The following LRFN2 variants were observed in gnomAD, a reference collection of about 807,000 sequenced individuals.
LRFN2 encodes the protein leucine-rich repeat and fibronectin type-III domain-containing protein 2.
In LRFN2, 18 loss-of-function variants were observed where a neutral mutation model predicts 37.3. That is an observed-to-expected ratio of 0.48 (90% CI 0.33 to 0.72). The LOEUF (loss-of-function observed/expected upper bound fraction) is 0.72. LRFN2 is among the 30% of genes least tolerant of loss of function. LRFN2 has a pLI of 0.02. For synonymous variants in LRFN2, 556 were observed against 466.6 expected (o/e 1.19, Z -2.47); for missense variants, 1,006 against 1,060.7 (o/e 0.95, Z 0.72).
At chr6:40,409,379 C>G (rs778994107) in intron 2 of LRFN2, among the ~76,000 whole-genome samples, 2 of 152,210 alleles carry the variant, frequency 1.3e-5, no homozygotes, top group Non-Finnish European at 2.9e-5. Context: ...AGTTTTCTCA[C>G]TTGCAAAATG....
intron 1 of LRFN2, among the ~76,000 whole-genome samples, chr6:40,581,636 A>G (rs777189454): frequency 1.4e-4 from 21 of 152,180 alleles, no homozygotes; most frequent in Non-Finnish European, 2.8e-4. Flanking sequence ...CCATCCAGAA[A>G]TCTTCAATAC....
chr6:40,398,689 G>A (rs1276893404), intron 2 of LRFN2, among the ~76,000 whole-genome samples: 2 of 151,796 alleles, frequency 1.3e-5, no homozygotes, highest in African/African-American at 2.4e-5. Context: ...GCTCCAGTGC[G>A]TTAAATTTAA....
rs528369515 is a variant in LRFN2, at chr6:40,577,723, G to C, written c.-19+9218C>G. On this transcript the variant is annotated intron_variant, in intron 1 of 2. Coordinates refer to ENST00000338305, the MANE Select transcript of LRFN2 (RefSeq NM_020737.3). ...CTTGCGATAGTTTACTGAGAATGAT[G>C]ATTTCCAATTTCAACAATGTGCACA... is the stretch of plus-strand genomic sequence containing the variant. Among the ~76,000 whole-genome samples the C allele has an allele frequency of 2.9e-5, 4 of 135,864 alleles. No homozygotes were observed. The Admixed American group carries it at 3.0e-4, about 10-fold the overall frequency. The allele number at this position is 135,864 out of a possible 152,430, so 89.1% of individuals were successfully genotyped here. A position where few individuals can be genotyped will look rare whatever the true frequency, so the allele number is the denominator to read the frequency against.
At chr6:40,513,238 T>G (rs1384318631) in intron 1 of LRFN2, among the ~76,000 whole-genome samples, 1 of 148,164 alleles carries the variant, frequency 6.7e-6, no homozygotes, top group Non-Finnish European at 1.5e-5. Flanking sequence ...TTAACAATTT[T>G]TTTTTTTTTT....
chr6:40,484,248 C>T (rs539768908), intron 1 of LRFN2, among the ~76,000 whole-genome samples: 4 of 152,292 alleles, frequency 2.6e-5, no homozygotes, highest in East Asian at 1.9e-4. Context: ...AGTGTGGTGC[C>T]GATCCAGGAG....
At chr6:40,404,919 G>A (rs1762810532) in intron 2 of LRFN2, among the ~76,000 whole-genome samples, 1 of 152,112 alleles carries the variant, frequency 6.6e-6, no homozygotes, top group Admixed American at 6.6e-5. Flanking sequence ...ATTCTCTCAG[G>A]CCTAGCTCAA....
chr6:40,562,835 TCACACACACACACACA>T (rs773357501), intron 1 of LRFN2, among the ~76,000 whole-genome samples: 1 of 125,630 alleles, frequency 8.0e-6, no homozygotes, highest in Admixed American at 8.2e-5. Flanking sequence ...GTGCACTCAC[TCACACACACACACACA>T]CACACACACA....
chr6:40,462,462 C>T (rs955502076), intron 1 of LRFN2, among the ~76,000 whole-genome samples: 1 of 152,118 alleles, frequency 6.6e-6, no homozygotes, highest in Non-Finnish European at 1.5e-5. Flanking sequence ...CATAGCCTCC[C>T]TTCCCTAAGT....
At chr6:40,532,126 G>A (rs1766355455) in intron 1 of LRFN2, among the ~76,000 whole-genome samples, 1 of 152,224 alleles carries the variant, frequency 6.6e-6, no homozygotes, top group Admixed American at 6.5e-5. Context: ...GCACACAGCT[G>A]CAGGCTCTCT....
chr6:40,391,787 T>G lies in LRFN2; in HGVS notation c.*156A>C. 1 of 639,376 alleles carries G rather than the reference T, an allele frequency of 1.6e-6. No individual in the cohort carries two copies. The highest frequency in any genetic ancestry group is 2.4e-6 in the Non-Finnish European group (1 of 417,156). The allele number at this position is 639,376 out of a possible 1,614,324, so 39.6% of individuals were successfully genotyped here. ...CCGGGTGGTGGGGAGGTGATGTGGG[T>G]GTTGCGGGGTAGGGGGGGACACGAG... On this transcript the variant is annotated 3_prime_UTR_variant, in exon 3 of 3. Transcript: ENST00000338305.
At chr6:40,418,831 G>T (rs554031275) in intron 2 of LRFN2, among the ~76,000 whole-genome samples, 81 of 152,334 alleles carry the variant, frequency 5.3e-4, no homozygotes, top group South Asian at 2.3e-3. Flanking sequence ...AGTACCTGGA[G>T]TGCAGTAAGG....
intron 2 of LRFN2, among the ~76,000 whole-genome samples, chr6:40,397,499 A>G (rs1397555303): frequency 1.3e-5 from 2 of 152,284 alleles, no homozygotes; most frequent in East Asian, 1.9e-4. Context: ...AGATGCTTCA[A>G]GTACTAACTA....
intron 1 of LRFN2, among the ~76,000 whole-genome samples, chr6:40,542,038 C>A (rs1766563198): frequency 6.6e-6 from 1 of 152,268 alleles, no homozygotes; most frequent in Admixed American, 6.5e-5. Context: ...CCTGGAGAGA[C>A]TCTGCCACAC....
intron 1 of LRFN2, among the ~76,000 whole-genome samples, chr6:40,498,233 C>T (rs1357680775): frequency 6.6e-6 from 1 of 152,086 alleles, no homozygotes; most frequent in Non-Finnish European, 1.5e-5. Context: ...CTGGAAGGGT[C>T]TGTCACAGCC....
chr6:40,431,609 T>G, intron 2 of LRFN2, 105 bp downstream of exon 2: 1 of 998,902 alleles, frequency 1.0e-6, no homozygotes, highest in East Asian at 2.6e-5. Flanking sequence ...CACAGACACC[T>G]TTGGGGAAGA....
At chr6:40,465,398 C>T (rs1245693022) in intron 1 of LRFN2, among the ~76,000 whole-genome samples, 1 of 152,120 alleles carries the variant, frequency 6.6e-6, no homozygotes, top group Non-Finnish European at 1.5e-5. Context: ...TGGAAGTCTC[C>T]AGGAAACATG....
Position 40,486,785 on chromosome 6 carries a change from G to T in LRFN2, c.-18-53654C>A, listed in dbSNP as rs903607916. Among the ~76,000 whole-genome samples, 3 of 152,194 alleles carry T rather than the reference G, an allele frequency of 2.0e-5. No homozygotes were observed. In the South Asian group the frequency reaches 6.2e-4, roughly 32 times the overall value. On this transcript the variant is annotated intron_variant, in intron 1 of 2. Transcript: ENST00000338305. The stretch of plus-strand genomic sequence containing the variant: ...ACAAGGGTGTGTACGAGTGGGCAGA[G>T]AAGTGACAGATGAGATTTGGTGTGG...
intron 1 of LRFN2, among the ~76,000 whole-genome samples, chr6:40,568,278 TC>T (rs1767125314): frequency 6.6e-6 from 1 of 152,228 alleles, no homozygotes; most frequent in African/African-American, 2.4e-5. Context: ...GACTGTGGTG[TC>T]TGCCCTGTGT....
intron 1 of LRFN2, among the ~76,000 whole-genome samples, chr6:40,563,139 G>A (rs552436415): frequency 2.2e-4 from 33 of 152,150 alleles, no homozygotes; most frequent in Non-Finnish European, 3.7e-4. Context: ...GACTGCATGT[G>A]TAGAGACCCC....
Sources: gnomAD v4.1 joint callset for allele counts (sites outside exome capture counted in the v4.1 genomes callset) on GRCh38, gnomAD v4.1.1 for gene constraint, MANE v1.5 for transcripts, NCBI Gene and HGNC (gene_info 2026-07-23, HGNC 2026-07-21) for gene names.